The following AFF1 variants were observed in gnomAD, a reference collection of about 807,000 sequenced individuals.
AFF1 encodes the protein AF4/FMR2 family member 1.
AFF1 carries 48 observed loss-of-function variants against 121.7 expected under a neutral mutation model. The observed-to-expected ratio is 0.39, with a 90% CI of 0.31 to 0.50. The LOEUF (loss-of-function observed/expected upper bound fraction) is 0.50. AFF1 is among the 20% of genes least tolerant of loss of function. The probability of loss-of-function intolerance (pLI) is 0.76; values close to 1 mark genes in which losing one functional copy is unlikely to be tolerated. For missense variants in AFF1, 1,523 were observed against 1,511.7 expected, an observed-to-expected ratio of 1.01 and a Z score of -0.12; for synonymous variants, 613 against 563.0, an observed-to-expected ratio of 1.09 and a Z score of -1.26.
At position 86,995,375 on chromosome 4, in the gene AFF1, G is replaced by T. The variant is rs997120084; in HGVS notation, c.38+46804G>T. On this transcript the variant is annotated intron_variant, in intron 2 of 20. Transcript: ENST00000395146. ...CTCTGATGCCGAGCCGAAGCTGGAC[G>T]GTACTGCTGCCATCTCGGCTCACTG... is the stretch of plus-strand genomic sequence containing the variant. Among the ~76,000 whole-genome samples, 35 of 143,850 alleles carry T rather than the reference G, an allele frequency of 2.4e-4. 1 individual carries two copies. In the Middle Eastern group the frequency reaches 0.011, roughly 44 times the overall value. 94.4% of individuals were successfully genotyped at this position (143,850 alleles called of 152,430 possible). A position where few individuals can be genotyped will look rare whatever the true frequency, so the allele number is the denominator to read the frequency against.
intron 8 of AFF1, among the ~76,000 whole-genome samples, chr4:87,100,979 A>G (rs1056084442): frequency 6.6e-6 from 1 of 152,150 alleles, no homozygotes; most frequent in Admixed American, 6.5e-5. Flanking sequence ...TTATCATATC[A>G]ACCATTAACC....
In AFF1 at chr4:87,016,140, C is replaced by T. The variant is rs368906051; in HGVS notation, c.39-30026C>T. ...AGGTTGCAGTTAGCCAAGATCATGCCGTTGCACTCCAGCCTGGGCGATCTT... is the reference window on the plus strand; with the variant it reads ...AGGTTGCAGTTAGCCAAGATCATGCTGTTGCACTCCAGCCTGGGCGATCTT... On this transcript the variant is annotated intron_variant, in intron 2 of 20. Transcript: ENST00000395146. Among the ~76,000 whole-genome samples, 11 of 152,084 alleles carry T rather than the reference C, an allele frequency of 7.2e-5. No homozygotes were observed. The East Asian group carries it at 1.4e-3, about 19-fold the overall frequency.
chr4:86,984,023 C>T (rs181454715), intron 2 of AFF1, among the ~76,000 whole-genome samples: 191 of 151,670 alleles, frequency 1.3e-3, no homozygotes, highest in African/African-American at 4.3e-3. Context: ...GGTGACAGAG[C>T]GAGACTCCAT....
At chr4:86,959,484 TAATA>T (rs758236955) in intron 2 of AFF1, among the ~76,000 whole-genome samples, 73 of 137,030 alleles carry the variant, frequency 5.3e-4, no homozygotes, top group Admixed American at 1.2e-3. Flanking sequence ...TAAAGTTCCT[TAATA>T]CTCTTTTTTT....
At chr4:87,000,387 C>T (rs566704207) in intron 2 of AFF1, among the ~76,000 whole-genome samples, 7 of 151,966 alleles carry the variant, frequency 4.6e-5, no homozygotes, top group Non-Finnish European at 1.0e-4. Context: ...GCATCTTGGA[C>T]CAGAAAGATG....
intron 4 of AFF1, among the ~76,000 whole-genome samples, chr4:87,060,337 C>T (rs1472891518): frequency 6.6e-6 from 1 of 152,134 alleles, no homozygotes; most frequent in African/African-American, 2.4e-5. Context: ...TTAAATAAGA[C>T]ACTGGATTTC....
intron 2 of AFF1, among the ~76,000 whole-genome samples, chr4:86,954,618 G>A (rs1219380833): frequency 6.6e-6 from 1 of 152,104 alleles, no homozygotes; most frequent in African/African-American, 2.4e-5. Context: ...GGTCCAGGTG[G>A]GGTAAAGGCC....
At chr4:87,020,727 G>A (rs1578078577) in intron 2 of AFF1, 2 of 881,876 alleles carry the variant, frequency 2.3e-6, no homozygotes, top group South Asian at 5.2e-5. Context: ...CTCATGATCC[G>A]CCTGCCTCAG....
intron 2 of AFF1, among the ~76,000 whole-genome samples, chr4:87,045,315 T>C (rs967041865): frequency 2.6e-5 from 4 of 152,212 alleles, no homozygotes; most frequent in African/African-American, 9.6e-5. Context: ...TATTTCACTT[T>C]TTAATCATAC....
chr4:87,048,227 G>A (rs1430727167), intron 4 of AFF1, among the ~76,000 whole-genome samples: 2 of 152,044 alleles, frequency 1.3e-5, no homozygotes, highest in South Asian at 2.1e-4. Context: ...GTGGGTATAC[G>A]GTGACATTTC....
rs148661249 is a variant in AFF1 at position 87,012,519 on chromosome 4, C to T, written c.39-33647C>T. ...ATATAGAGTGAGTACATAACTTTTACGGGTTAAATGATTACCAATCGTTTT... is the reference window on the plus strand; with the variant it reads ...ATATAGAGTGAGTACATAACTTTTATGGGTTAAATGATTACCAATCGTTTT... On this transcript the variant is annotated intron_variant, in intron 2 of 20. Transcript: ENST00000395146. 1.3e-3 allele frequency among the ~76,000 whole-genome samples: 198 copies of T among 152,176 alleles called. 1 individual carries two copies. The highest frequency in any genetic ancestry group is 4.4e-3 in the African/African-American group (181 of 41,524).
chr4:87,058,323 G>A (rs932218440), intron 4 of AFF1, among the ~76,000 whole-genome samples: 2 of 152,140 alleles, frequency 1.3e-5, no homozygotes, highest in African/African-American at 4.8e-5. Flanking sequence ...ACATGGCCTT[G>A]CTTTCATGTT....
chr4:87,096,751 CCTTTTT>C (rs1221509060), intron 8 of AFF1, among the ~76,000 whole-genome samples: 4 of 151,668 alleles, frequency 2.6e-5, no homozygotes. Flanking sequence ...TTCTTTTTTT[CCTTTTT>C]AATTTTTACA....
chr4:86,988,281 C>T (rs921118067), intron 2 of AFF1, among the ~76,000 whole-genome samples: 2 of 152,096 alleles, frequency 1.3e-5, no homozygotes, highest in South Asian at 4.1e-4. Context: ...CTGTTCCTTC[C>T]ATCTAACTGT....
chr4:87,077,961 A>AT (rs957063900), intron 4 of AFF1, among the ~76,000 whole-genome samples: 15 of 151,982 alleles, frequency 9.9e-5, no homozygotes, highest in African/African-American at 1.2e-4. Flanking sequence ...CTTTGTACAT[A>AT]TTTTTTTTGT....
chr4:87,046,157 CT>C lies in AFF1; in HGVS notation c.39-8del. On this transcript the variant is annotated splice_polypyrimidine_tract_variant and splice_region_variant and intron_variant, in intron 2 of 20. Coordinates refer to ENST00000395146, the MANE Select transcript of AFF1 (RefSeq NM_001166693.3). ...TATTGTTTTCATTCTTTTGTGGCAT[CT>C]GAAACAGTTTGTACAATGACGACAG... is the stretch of plus-strand genomic sequence containing the variant. 1 of 1,608,988 alleles carries C rather than the reference CT, an allele frequency of 6.2e-7. No individual in the cohort carries two copies. Among genetic ancestry groups the C allele is most frequent in the South Asian group, 1.1e-5 (1 of 90,550 alleles).
At chr4:87,078,621 C>A (rs966070852) in intron 4 of AFF1, among the ~76,000 whole-genome samples, 3 of 152,142 alleles carry the variant, frequency 2.0e-5, no homozygotes, top group Non-Finnish European at 2.9e-5. Context: ...TAGGAATTAT[C>A]CCTGACACAG....
At chr4:86,956,701 C>T (rs1359149131) in intron 2 of AFF1, among the ~76,000 whole-genome samples, 2 of 152,168 alleles carry the variant, frequency 1.3e-5, no homozygotes. Flanking sequence ...TGACTGGCTT[C>T]TTAGGATAAA....
intron 2 of AFF1, among the ~76,000 whole-genome samples, chr4:86,969,063 C>T (rs914302576): frequency 2.0e-5 from 3 of 152,240 alleles, no homozygotes; most frequent in Non-Finnish European, 2.9e-5. Context: ...AGCCTCTCCA[C>T]GGAGCGCCTC....
Sources: gnomAD v4.1 joint callset for allele counts (sites outside exome capture counted in the v4.1 genomes callset) on GRCh38, gnomAD v4.1.1 for gene constraint, MANE v1.5 for transcripts, NCBI Gene and HGNC (gene_info 2026-07-23, HGNC 2026-07-21) for gene names.